DLG1: variants seen among roughly 807,000 people sequenced by gnomAD.
The protein encoded by DLG1 is disks large homolog 1.
DLG1 carries 42 observed loss-of-function variants against 123.4 expected under a neutral mutation model. That is an observed-to-expected ratio of 0.34 (90% confidence interval 0.27 to 0.44). DLG1 has a LOEUF of 0.44. Ranked by LOEUF, DLG1 falls within the 20% of genes least tolerant of loss-of-function variation. DLG1 has a pLI of 1.00. For synonymous variants in DLG1, 317 were observed against 356.2 expected, an observed-to-expected ratio of 0.89 and a Z score of 1.24; for missense variants, 942 against 1,082.6, an observed-to-expected ratio of 0.87 and a Z score of 1.82.
intron 11 of DLG1, among the ~76,000 whole-genome samples, chr3:197,127,423 C>CAAA (rs34530877): frequency 2.5e-5 from 1 of 39,562 alleles, no homozygotes; most frequent in Admixed American, 4.4e-4. Context: ...ATTCTGTCTC[C>CAAA]AAAAAAAAAA....
intron 4 of DLG1, among the ~76,000 whole-genome samples, chr3:197,206,982 G>A (rs1484878123): frequency 6.6e-6 from 1 of 152,178 alleles, no homozygotes; most frequent in African/African-American, 2.4e-5. Flanking sequence ...TTTCAAGTAG[G>A]ACCTGCCACC....
chr3:197,152,496 G>C (rs1003127629), intron 5 of DLG1, among the ~76,000 whole-genome samples: 1 of 143,914 alleles, frequency 6.9e-6, no homozygotes, highest in Admixed American at 7.2e-5. Context: ...TCAAGTTTAG[G>C]CCGGGTGCGG....
intron 3 of DLG1, among the ~76,000 whole-genome samples, chr3:197,291,719 ATC>A (rs924091768): frequency 6.6e-6 from 1 of 152,208 alleles, no homozygotes; most frequent in Non-Finnish European, 1.5e-5. Flanking sequence ...GCAATTTAGC[ATC>A]TGAGGGTCCA....
chr3:197,115,945 T>C lies in DLG1; in HGVS notation c.1425A>G (p.Lys475=). The C allele has an allele frequency of 6.2e-7, 1 of 1,612,594 alleles. No homozygotes were observed. The highest frequency in any genetic ancestry group is 8.5e-7 in the Non-Finnish European group (1 of 1,179,532). Residue 475 remains lysine, a synonymous_variant, in exon 13 of 25, where the codon AAA becomes AAG. Coordinates refer to ENST00000667157, the MANE Select transcript of DLG1 (RefSeq NM_001366207.1). The stretch of plus-strand genomic sequence containing the variant: ...GTCTTACCGATATAATACGATCTCC[T>C]TTTCTGAGCTCTCCACTTAGATCAG... The part of the protein sequence containing the change: ...GPADLSGELR[K]GDRIISVNSV...
chr3:197,194,951 G>C (rs1408038665), intron 4 of DLG1, among the ~76,000 whole-genome samples: 2 of 152,076 alleles, frequency 1.3e-5, no homozygotes, highest in East Asian at 3.9e-4. Flanking sequence ...CCGTTAACTT[G>C]TACACAAATT....
At chr3:197,089,149 G>C (rs1756195333) in intron 15 of DLG1, among the ~76,000 whole-genome samples, 1 of 152,218 alleles carries the variant, frequency 6.6e-6, no homozygotes. Flanking sequence ...GGAAAATGGA[G>C]GATGCTTGTT....
At chr3:197,158,903 T>C (rs553799692) in intron 5 of DLG1, among the ~76,000 whole-genome samples, 14 of 152,290 alleles carry the variant, frequency 9.2e-5, no homozygotes, top group African/African-American at 2.6e-4. Context: ...TCAGAACTGA[T>C]AGAAATAAAG....
intron 1 of DLG1, chr3:197,297,976 C>T (rs1778343118): frequency 1.0e-6 from 1 of 968,958 alleles, no homozygotes; most frequent in South Asian, 4.8e-5. Context: ...CCCCCGCGGC[C>T]TCGTCCTCCT....
At chr3:197,297,327 G>T in intron 1 of DLG1, 92 bp from the exon 2 acceptor site, 1 of 1,532,530 alleles carries the variant, frequency 6.5e-7, no homozygotes, top group Non-Finnish European at 8.7e-7. Context: ...CAGCCTATTT[G>T]AAAACCCCAC....
At chr3:197,165,900 G>C (rs1801162958) in intron 5 of DLG1, among the ~76,000 whole-genome samples, 1 of 152,176 alleles carries the variant, frequency 6.6e-6, no homozygotes, top group African/African-American at 2.4e-5. Flanking sequence ...ACAATATAAG[G>C]CTTCTAGAGG....
At chr3:197,272,835 G>A (rs963350173) in intron 4 of DLG1, among the ~76,000 whole-genome samples, 1 of 152,190 alleles carries the variant, frequency 6.6e-6, no homozygotes. Flanking sequence ...AGGAAGAGGG[G>A]ATAGGTAGTA....
chr3:197,071,468 G>A lies in DLG1; in HGVS notation c.2006-2208C>T, dbSNP rs139644993. Among the ~76,000 whole-genome samples, 495 of 146,856 alleles carry A rather than the reference G, an allele frequency of 3.4e-3. 2 individuals carry two copies. The highest frequency in any genetic ancestry group is 0.01 in the Middle Eastern group (3 of 290). ...ACCCTCTAAGACTGCCAAAAGCTAC[G>A]CCACAATCAAATTCTGCAGGTTCTT... On this transcript the variant is annotated intron_variant, in intron 18 of 24. Coordinates refer to ENST00000667157, the MANE Select transcript of DLG1 (RefSeq NM_001366207.1).
intron 24 of DLG1, among the ~76,000 whole-genome samples, chr3:197,048,162 G>A (rs1724716716): frequency 1.3e-5 from 2 of 152,134 alleles, no homozygotes; most frequent in Admixed American, 1.3e-4. Context: ...TCATTAATCA[G>A]AGCAACAGAA....
intron 10 of DLG1, among the ~76,000 whole-genome samples, chr3:197,131,883 G>A (rs529716572): frequency 7.3e-4 from 111 of 152,134 alleles, no homozygotes; most frequent in African/African-American, 2.5e-3. Flanking sequence ...GTGAGCCACC[G>A]CGCCCGGCCT....
rs754670124 is a variant in DLG1, at chr3:197,051,662, C to T, written c.2490G>A (p.Met830Ile). The T allele has an allele frequency of 6.2e-7, 1 of 1,610,192 alleles. No homozygotes were observed. The highest frequency in any genetic ancestry group is 8.5e-7 in the Non-Finnish European group (1 of 1,177,300). ...CTTGTTCTTCTGTTAGACGCTTATT[C>T]ATTTCCCTACGAAAATAAATGTAGA... ...KPKSMENIME[M>I]NKRLTEEQAR... The change falls in exon 24 of 25, where the codon ATG becomes ATA. Residue 830 changes from methionine (M) to isoleucine (I), a missense_variant. Coordinates refer to ENST00000667157, the MANE Select transcript of DLG1 (RefSeq NM_001366207.1).
intron 3 of DLG1, among the ~76,000 whole-genome samples, chr3:197,284,173 T>A (rs1284440868): frequency 6.6e-6 from 1 of 152,112 alleles, no homozygotes; most frequent in Non-Finnish European, 1.5e-5. Flanking sequence ...CTTTCAGTTT[T>A]AATAACCAGT....
chr3:197,239,416 A>G (rs1747711339), intron 4 of DLG1, among the ~76,000 whole-genome samples: 1 of 152,190 alleles, frequency 6.6e-6, no homozygotes, highest in Admixed American at 6.5e-5. Context: ...ATTAATGCCA[A>G]TCCTTCTCAA....
At chr3:197,184,219 G>T in intron 5 of DLG1, 1 of 645,998 alleles carries the variant, frequency 1.5e-6, no homozygotes, top group Non-Finnish European at 1.9e-6. Context: ...ACCCTGTGGG[G>T]CTGCCTGATT....
intron 4 of DLG1, chr3:197,225,871 T>C (rs1739617746): frequency 6.6e-6 from 1 of 152,652 alleles, no homozygotes; most frequent in Admixed American, 6.5e-5. Context: ...CATCCAAACA[T>C]TAAGGATATT....
Sources: gnomAD v4.1 joint callset for allele counts (sites outside exome capture counted in the v4.1 genomes callset) on GRCh38, gnomAD v4.1.1 for gene constraint, MANE v1.5 for transcripts, NCBI Gene and HGNC (gene_info 2026-07-23, HGNC 2026-07-21) for gene names.